The following C8orf74 variants were observed in gnomAD, a reference collection of about 807,000 sequenced individuals.
The protein encoded by C8orf74 is chromosome 8 open reading frame 74.
C8orf74 carries 29 observed loss-of-function variants against 22.2 expected under a neutral mutation model. That is an observed-to-expected ratio of 1.31 (90% CI 0.97 to 1.78). The LOEUF is 1.78. Among genes scored for constraint, C8orf74 ranks in the 40% most tolerant of loss-of-function variants. The probability of loss-of-function intolerance (pLI) is 0.00; values close to 1 mark genes in which losing one functional copy is unlikely to be tolerated. For synonymous variants in C8orf74, 255 were observed against 163.1 expected (o/e 1.56, Z -4.30); for missense variants, 515 against 369.9 (o/e 1.39, Z -3.22).
At chr8:10,681,090 T>A (rs1319310530) in intron 2 of C8orf74, among the ~76,000 whole-genome samples, 1 of 151,750 alleles carries the variant, frequency 6.6e-6, no homozygotes, top group Non-Finnish European at 1.5e-5. Flanking sequence ...GGGTCATGTT[T>A]GCACAGCAGT....
chr8:10,690,277 G>C (rs536236831), intron 2 of C8orf74, among the ~76,000 whole-genome samples: 51 of 152,170 alleles, frequency 3.4e-4, no homozygotes, highest in Non-Finnish European at 6.3e-4. Flanking sequence ...GGGAGACCGA[G>C]TGACCCAGAG....
At chr8:10,698,185 T>C (rs916448283) in intron 3 of C8orf74, among the ~76,000 whole-genome samples, 180 bp downstream of exon 3, 3 of 152,208 alleles carry the variant, frequency 2.0e-5, no homozygotes, top group Admixed American at 2.0e-4. Context: ...TTCATGTCCC[T>C]ATTTTAGTGA....
Position 10,674,720 on chromosome 8 carries a change from G to A in C8orf74, c.123G>A (p.Arg41=). 6.2e-7 allele frequency: 1 copy of A among 1,608,846 alleles called. No individual in the cohort carries two copies. The highest frequency in any genetic ancestry group is 8.5e-7 in the Non-Finnish European group (1 of 1,177,648). Residue 41 remains arginine (R), a synonymous_variant, in exon 2 of 4, where the codon AGG becomes AGA. Transcript: ENST00000304519. ...EEFDEQRDSR[R]SILLDTLYES... Reference sequence around the variant, plus strand: ...TTGACGAACAGAGAGACTCCCGGAGGAGCATCCTGCTGGACACCCTCTACG... The same window carrying A: ...TTGACGAACAGAGAGACTCCCGGAGAAGCATCCTGCTGGACACCCTCTACG...
chr8:10,683,328 G>C (rs1563157981), intron 2 of C8orf74, among the ~76,000 whole-genome samples: 2 of 152,232 alleles, frequency 1.3e-5, no homozygotes, highest in Non-Finnish European at 2.9e-5. Flanking sequence ...TCCTGGCCTG[G>C]ATGTGCCATC....
chr8:10,694,448 G>C (rs116726814), intron 2 of C8orf74, among the ~76,000 whole-genome samples: 3,204 of 152,182 alleles, frequency 0.021, 110 homozygotes, highest in African/African-American at 0.072. Flanking sequence ...AATTTTGAAG[G>C]CTTCAATATT....
chr8:10,687,058 G>A (rs150454034), intron 2 of C8orf74: 8 of 456,114 alleles, frequency 1.8e-5, no homozygotes, highest in Non-Finnish European at 3.5e-5. Flanking sequence ...CTAGAGCCAT[G>A]CTTCATTCTC....
intron 2 of C8orf74, chr8:10,692,642 G>C (rs1479403082): frequency 6.6e-6 from 1 of 152,306 alleles, no homozygotes; most frequent in South Asian, 2.1e-4. Context: ...GAGTAGCTGG[G>C]ACTAAAGGCA....
chr8:10,686,724 G>C (rs967127564), intron 2 of C8orf74: 1 of 160,932 alleles, frequency 6.2e-6, no homozygotes, highest in East Asian at 1.8e-4. Flanking sequence ...AATAAAAAGA[G>C]AATTTGGATT....
intron 2 of C8orf74, among the ~76,000 whole-genome samples, chr8:10,678,746 G>T (rs1003345146): frequency 2.6e-5 from 4 of 152,296 alleles, no homozygotes; most frequent in African/African-American, 9.6e-5. Context: ...CTGCAGTGGG[G>T]AGAGAGTAGG....
At chr8:10,685,878 G>A (rs535905289) in intron 2 of C8orf74, among the ~76,000 whole-genome samples, 1 of 152,278 alleles carries the variant, frequency 6.6e-6, no homozygotes, top group South Asian at 2.1e-4. Context: ...GACCATCCTG[G>A]CTAACACGGT....
chr8:10,692,750 T>G (rs2129058389), intron 2 of C8orf74: 1 of 152,266 alleles, frequency 6.6e-6, no homozygotes, highest in Admixed American at 6.5e-5. Flanking sequence ...GGGATACCCC[T>G]GCCATGGCCT....
chr8:10,695,831 A>G (rs1799484424), intron 2 of C8orf74, among the ~76,000 whole-genome samples: 1 of 152,182 alleles, frequency 6.6e-6, no homozygotes, highest in African/African-American at 2.4e-5. Context: ...ACTTCGGGGA[A>G]AAGCCCGGCT....
intron 2 of C8orf74, among the ~76,000 whole-genome samples, chr8:10,686,107 T>G (rs1435670485): frequency 2.0e-5 from 3 of 152,174 alleles, no homozygotes; most frequent in African/African-American, 7.2e-5. Context: ...ATGGTCAGTG[T>G]TATGTTATGT....
chr8:10,692,671 A>C (rs924314980), intron 2 of C8orf74: 5 of 144,066 alleles, frequency 3.5e-5, no homozygotes, highest in Non-Finnish European at 6.1e-5. Flanking sequence ...CATGCTGGCT[A>C]TTTTTTTTTT....
chr8:10,677,654 C>T (rs1799061525), intron 2 of C8orf74, among the ~76,000 whole-genome samples: 1 of 152,184 alleles, frequency 6.6e-6, no homozygotes, highest in Non-Finnish European at 1.5e-5. Context: ...TGCCCCCTCT[C>T]TTGCTGCCCT....
At chr8:10,683,671 C>T (rs1799199739) in intron 2 of C8orf74, among the ~76,000 whole-genome samples, 2 of 152,216 alleles carry the variant, frequency 1.3e-5, no homozygotes, top group Admixed American at 1.3e-4. Context: ...CAGGGACCGT[C>T]AGCTCCACGG....
rs188858096 is a variant in C8orf74 at position 10,678,185 on chromosome 8, T to C, written c.241+3347T>C. Among the ~76,000 whole-genome samples the C allele has an allele frequency of 1.1e-4, 16 of 152,308 alleles. No homozygotes were observed. In the East Asian group the frequency reaches 3.1e-3, roughly 29 times the overall value. On this transcript the variant is annotated intron_variant, in intron 2 of 3. Coordinates refer to ENST00000304519, the MANE Select transcript of C8orf74 (RefSeq NM_001040032.2). ...GGGTCCAGAGGGAAAATTCAGGTCTTACCTGGCCCTTTACTGGGTGCGTGG... is the reference window on the plus strand; with the variant it reads ...GGGTCCAGAGGGAAAATTCAGGTCTCACCTGGCCCTTTACTGGGTGCGTGG...
chr8:10,687,304 A>G (rs1799281494), intron 2 of C8orf74: 1 of 331,850 alleles, frequency 3.0e-6, no homozygotes, highest in South Asian at 2.3e-5. Context: ...CTCTTATACC[A>G]TGGAATCAAT....
intron 2 of C8orf74, chr8:10,675,821 G>T (rs1451050573): frequency 6.6e-6 from 1 of 152,216 alleles, no homozygotes; most frequent in Admixed American, 6.5e-5. Context: ...ATACTCGAAG[G>T]CCATAAGAGC....
Sources: allele counts gnomAD v4.1 joint callset (sites outside exome capture counted in the v4.1 genomes callset), GRCh38; gene constraint gnomAD v4.1.1; transcripts MANE v1.5; gene names NCBI Gene and HGNC (gene_info 2026-07-23, HGNC 2026-07-21).